The following SF3B3 variants were observed in gnomAD, a reference collection of about 807,000 sequenced individuals.
The protein encoded by SF3B3 is SAP 130.
A neutral mutation model predicts 139.2 loss-of-function variants in SF3B3; 33 were observed. The observed-to-expected ratio is 0.24, with a 90% confidence interval of 0.18 to 0.32. The LOEUF (loss-of-function observed/expected upper bound fraction) is 0.32, where lower values mean the gene tolerates loss of function less well. Among genes scored for constraint, SF3B3 ranks in the 10% least tolerant of loss-of-function variants. The pLI, the probability that SF3B3 is intolerant of heterozygous loss-of-function variation, is 1.00. For missense variants in SF3B3, 818 were observed against 1,509.4 expected (o/e 0.54, Z 7.59); for synonymous variants, 596 against 563.6 (o/e 1.06, Z -0.81).
intron 15 of SF3B3, 170 bp from the exon 16 acceptor site, chr16:70,560,299 C>A: frequency 1.8e-6 from 1 of 554,492 alleles, no homozygotes; most frequent in Non-Finnish European, 3.0e-6. Flanking sequence ...AAGTGATTTA[C>A]TGAGAGAATG....
At chr16:70,542,409 A>G (rs1597712465) in intron 9 of SF3B3, among the ~76,000 whole-genome samples, 1 of 152,218 alleles carries the variant, frequency 6.6e-6, no homozygotes, top group South Asian at 2.1e-4. Context: ...ATTCTCAAGG[A>G]GGAACCTGAA....
chr16:70,544,627 T>G, intron 10 of SF3B3, 94 bp downstream of exon 10: 1 of 728,082 alleles, frequency 1.4e-6, no homozygotes, highest in Non-Finnish European at 2.4e-6. Context: ...AAAGACATAG[T>G]TAAGGTGTCT....
chr16:70,541,581 A>C (rs2050219306), intron 8 of SF3B3, 88 bp from the exon 9 acceptor site: 2 of 1,050,704 alleles, frequency 1.9e-6, no homozygotes, highest in Non-Finnish European at 1.4e-6. Context: ...TAATATAATC[A>C]AATAGCTTGT....
intron 6 of SF3B3, among the ~76,000 whole-genome samples, chr16:70,537,388 A>G (rs900815413): frequency 1.3e-5 from 2 of 152,138 alleles, no homozygotes; most frequent in African/African-American, 4.8e-5. Context: ...ACTAATGAAT[A>G]TCCCTCTTCC....
intron 4 of SF3B3, among the ~76,000 whole-genome samples, chr16:70,531,315 C>CT (rs1009531383): frequency 6.6e-5 from 10 of 151,196 alleles, no homozygotes; most frequent in East Asian, 2.0e-4. Context: ...ACCTTTTTTT[C>CT]TTTTTTTTGA....
rs1567408610 is a variant in SF3B3, at chr16:70,529,204, G to C, written c.397+5G>C. ...AAGGGCGAGCCGTTATGATTAGTAA[G>C]TGATTTACTCTACTTGCTGTATATG... On this transcript the variant is annotated splice_donor_5th_base_variant and intron_variant, in intron 3 of 25. Transcript: ENST00000302516. The C allele has an allele frequency of 1.9e-6, 3 of 1,609,976 alleles. No individual in the cohort carries two copies. The highest frequency in any genetic ancestry group is 4.5e-5 in the East Asian group (2 of 44,852).
intron 1 of SF3B3, among the ~76,000 whole-genome samples, chr16:70,525,684 G>C (rs896376021): frequency 6.6e-6 from 1 of 151,892 alleles, no homozygotes; most frequent in African/African-American, 2.4e-5. Context: ...CTTAGTCTAT[G>C]GGCTGGGCGC....
chr16:70,527,980 T>C (rs1292738962), intron 2 of SF3B3, among the ~76,000 whole-genome samples: 1 of 152,008 alleles, frequency 6.6e-6, no homozygotes, highest in African/African-American at 2.4e-5. Flanking sequence ...TTTCACCATA[T>C]TGGCCAGGCT....
intron 3 of SF3B3, among the ~76,000 whole-genome samples, chr16:70,529,766 T>TA (rs1224884555): frequency 1.3e-5 from 2 of 152,142 alleles, no homozygotes; most frequent in East Asian, 1.9e-4. Context: ...CCATTGTCTT[T>TA]AAAAAAATTT....
In SF3B3 at chr16:70,530,764, A is replaced by G; in HGVS notation, c.417A>G (p.Lys139=). 4 of 1,611,328 alleles carry G rather than the reference A, an allele frequency of 2.5e-6. No homozygotes were observed. The highest frequency in any genetic ancestry group is 2.5e-6 in the Non-Finnish European group (3 of 1,179,296). The change falls in exon 4 of 26, where the codon AAA becomes AAG. Residue 139 remains lysine (K), a synonymous_variant. Transcript: ENST00000302516. ...CTACAGGTGCCATTGAGAAACAGAA[A>G]TTGGTGTATATTTTGAACAGAGATG... is the stretch of plus-strand genomic sequence containing the variant. The part of the protein sequence containing the change: ...AVMISAIEKQ[K]LVYILNRDAA...
chr16:70,559,568 T>C (rs1286148120), intron 15 of SF3B3, among the ~76,000 whole-genome samples: 1 of 152,062 alleles, frequency 6.6e-6, no homozygotes, highest in Non-Finnish European at 1.5e-5. Flanking sequence ...ATGCCTGTAG[T>C]CCCAGCTACT....
At chr16:70,529,426 G>A (rs2050099400) in intron 3 of SF3B3, 3 of 536,254 alleles carry the variant, frequency 5.6e-6, no homozygotes, top group Non-Finnish European at 9.9e-6. Flanking sequence ...GGAAATGGGT[G>A]TTTTTCAATT....
Position 70,526,687 on chromosome 16 carries a change from G to A in SF3B3, c.31G>A (p.Ala11Thr). 6.2e-7 allele frequency: 1 copy of A among 1,614,146 alleles called. No homozygotes were observed. Among genetic ancestry groups the A allele is most frequent in the Non-Finnish European group, 8.5e-7 (1 of 1,179,998 alleles). MFLYNLTLQR[A>T]TGISFAIHGN... ...TCTGTACAACTTAACCTTGCAGAGA[G>A]CCACTGGCATCAGCTTTGCCATTCA... Residue 11 changes from alanine (A) to threonine (T), a missense_variant, in exon 2 of 26, where the codon GCC (alanine) becomes ACC (threonine). Ala to Thr is a moderately conservative substitution (Grantham distance 58). Coordinates refer to ENST00000302516, the MANE Select transcript of SF3B3 (RefSeq NM_012426.5).
At position 70,548,468 on chromosome 16, in the gene SF3B3, A is replaced by G. The variant is rs767755166; in HGVS notation, c.1402+26A>G. On this transcript the variant is annotated intron_variant, in intron 11 of 25. Coordinates refer to ENST00000302516, the MANE Select transcript of SF3B3 (RefSeq NM_012426.5). ...GTAAGCAGCTTTTTCCCAATAGTCA[A>G]AATGAGGATCTAGGTGCCATTGACA... 3 of 1,600,482 alleles carry G rather than the reference A, an allele frequency of 1.9e-6. No individual in the cohort carries two copies. The East Asian group carries it at 6.7e-5, about 36-fold the overall frequency.
rs557658473 is a variant in SF3B3 at position 70,563,786 on chromosome 16, G to C, written c.2289-90G>C. ...TGCCAACGTTAGAGCTCCAGGGATT[G>C]ACGTGTTTGCTGACTGCTCAAAGTC... On this transcript the variant is annotated intron_variant, in intron 17 of 25. Transcript: ENST00000302516. The C allele has an allele frequency of 8.2e-6, 10 of 1,218,006 alleles. No homozygotes were observed. The South Asian group carries it at 1.2e-4, about 15-fold the overall frequency. The allele number at this position is 1,218,006 out of a possible 1,614,324, so 75.4% of individuals were successfully genotyped here.
intron 11 of SF3B3, chr16:70,554,211 T>C (rs147360013): frequency 8.3e-4 from 337 of 405,402 alleles, no homozygotes; most frequent in Non-Finnish European, 1.3e-3. Flanking sequence ...CTCACTTCTT[T>C]AGCAGATGTC....
At chr16:70,532,174 C>T (rs149784746) in intron 4 of SF3B3, among the ~76,000 whole-genome samples, 7,026 of 152,080 alleles carry the variant, frequency 0.046, 222 homozygotes, top group Non-Finnish European at 0.065. Context: ...TGCTTGTAAT[C>T]CCAGCAACTC....
At chr16:70,558,786 G>A (rs950682838) in intron 15 of SF3B3, among the ~76,000 whole-genome samples, 1 of 151,708 alleles carries the variant, frequency 6.6e-6, no homozygotes, top group African/African-American at 2.4e-5. Context: ...TAGTAGAGAT[G>A]GGGTTTTGCC....
At chr16:70,543,486 T>G (rs1446661000) in intron 9 of SF3B3, among the ~76,000 whole-genome samples, 1 of 151,986 alleles carries the variant, frequency 6.6e-6, no homozygotes, top group Non-Finnish European at 1.5e-5. Context: ...GGCGGGTAGA[T>G]GACCTGAGGT....
Sources: gnomAD v4.1 joint callset for allele counts (sites outside exome capture counted in the v4.1 genomes callset) on GRCh38, gnomAD v4.1.1 for gene constraint, MANE v1.5 for transcripts, NCBI Gene and HGNC (gene_info 2026-07-23, HGNC 2026-07-21) for gene names.